ZFHX3: variants seen among roughly 807,000 people sequenced by gnomAD.
ZFHX3 encodes the protein zinc finger homeobox protein 3.
ZFHX3 carries 42 observed loss-of-function variants against 279.1 expected under a neutral mutation model. The ratio of observed to expected loss-of-function variants is 0.15; its 90% CI spans 0.12 to 0.19. The LOEUF is 0.19. Ranked by LOEUF, ZFHX3 falls within the 10% of genes least tolerant of loss-of-function variation. ZFHX3 has a pLI of 1.00. For synonymous variants in ZFHX3, 2,293 were observed against 1,957.8 expected (o/e 1.17, Z -4.52); for missense variants, 4,981 against 4,754.0 (o/e 1.05, Z -1.40).
At chr16:73,297,802 C>A (rs372845178) in intron 4 of ZFHX3, among the ~76,000 whole-genome samples, 1 of 151,854 alleles carries the variant, frequency 6.6e-6, no homozygotes, top group Non-Finnish European at 1.5e-5. Context: ...AGTGTCTGTG[C>A]GATAATAACC....
chr16:73,813,282 C>A (rs1960474867), intron 1 of ZFHX3, among the ~76,000 whole-genome samples: 1 of 151,390 alleles, frequency 6.6e-6, no homozygotes, highest in Admixed American at 6.6e-5. Context: ...GGACAAGAGA[C>A]AAAATGCACT....
intron 5 of ZFHX3, among the ~76,000 whole-genome samples, chr16:73,213,272 G>C (rs1174401953): frequency 6.6e-6 from 1 of 152,192 alleles, no homozygotes; most frequent in African/African-American, 2.4e-5. Context: ...AATGACTTGA[G>C]AAAGGTTGGG....
At chr16:73,092,744 G>A (rs1966102186) in intron 8 of ZFHX3, 2 of 349,924 alleles carry the variant, frequency 5.7e-6, no homozygotes, top group Middle Eastern at 1.1e-3. Context: ...GGCTTCATGA[G>A]GCTAAGTAAT....
intron 1 of ZFHX3, among the ~76,000 whole-genome samples, chr16:73,022,498 G>A (rs202171237): frequency 1.1e-4 from 16 of 152,224 alleles, no homozygotes; most frequent in East Asian, 9.7e-4. Flanking sequence ...CCTGGGCATC[G>A]CAGGATGTTT....
chr16:72,896,025 G>A (rs1355394128), intron 3 of ZFHX3, among the ~76,000 whole-genome samples: 1 of 152,184 alleles, frequency 6.6e-6, no homozygotes, highest in Non-Finnish European at 1.5e-5. Context: ...AAATCTTGGA[G>A]AAGTATGATG....
At chr16:73,858,378 C>T (rs1164191282) in intron 1 of ZFHX3, among the ~76,000 whole-genome samples, 1 of 152,182 alleles carries the variant, frequency 6.6e-6, no homozygotes, top group Non-Finnish European at 1.5e-5. Flanking sequence ...TTGATACAGT[C>T]TTAGATGCTC....
chr16:73,879,483 G>T (rs1232678668), intron 1 of ZFHX3, among the ~76,000 whole-genome samples: 1 of 151,970 alleles, frequency 6.6e-6, no homozygotes, highest in Non-Finnish European at 1.5e-5. Flanking sequence ...CTTTCATTCT[G>T]GTTGGTTCGC....
At chr16:73,033,438 A>G (rs1192276913) in intron 1 of ZFHX3, among the ~76,000 whole-genome samples, 1 of 152,190 alleles carries the variant, frequency 6.6e-6, no homozygotes, top group Admixed American at 6.5e-5. Context: ...ACAGAAGTGA[A>G]GCGGGGCTGC....
chr16:73,160,577 G>A (rs1433026380), intron 5 of ZFHX3, among the ~76,000 whole-genome samples: 3 of 151,880 alleles, frequency 2.0e-5, no homozygotes, highest in Non-Finnish European at 4.4e-5. Context: ...CTACATAGAG[G>A]GTTTAACCCT....
chr16:73,314,724 A>G (rs554053957), intron 4 of ZFHX3, among the ~76,000 whole-genome samples: 23 of 152,370 alleles, frequency 1.5e-4, no homozygotes, highest in Admixed American at 7.2e-4. Context: ...TCATTCTTCC[A>G]GATAGCCCTT....
chr16:73,149,385 T>A (rs1334971095), intron 5 of ZFHX3, among the ~76,000 whole-genome samples: 1 of 152,074 alleles, frequency 6.6e-6, no homozygotes, highest in Non-Finnish European at 1.5e-5. Context: ...GGGGCCTTCA[T>A]TCATGCTGTA....
At chr16:72,961,884 TAAACCAAACC>T (rs57537362) in intron 1 of ZFHX3, among the ~76,000 whole-genome samples, 84,098 of 149,692 alleles carry the variant, frequency 0.56, 23,837 homozygotes, top group Non-Finnish European at 0.6. Flanking sequence ...ATGACTACAG[TAAACCAAACC>T]AAACCAAACC....
At chr16:73,201,528 A>G (rs1336274346) in intron 5 of ZFHX3, among the ~76,000 whole-genome samples, 1 of 152,222 alleles carries the variant, frequency 6.6e-6, no homozygotes, top group Non-Finnish European at 1.5e-5. Context: ...CATGTTTCAA[A>G]CTTATTCTGA....
intron 4 of ZFHX3, among the ~76,000 whole-genome samples, chr16:73,275,577 C>G (rs772396979): frequency 6.6e-6 from 1 of 152,150 alleles, no homozygotes; most frequent in Admixed American, 6.5e-5. Context: ...TCCAGACTGC[C>G]TCAATAAAGT....
intron 3 of ZFHX3, among the ~76,000 whole-genome samples, chr16:73,435,146 T>C (rs868303166): frequency 6.6e-6 from 1 of 152,176 alleles, no homozygotes; most frequent in African/African-American, 2.4e-5. Flanking sequence ...CACACCTGCA[T>C]GATGGATTGG....
rs2035960622 is a variant in ZFHX3, at chr16:72,797,651, A to G, written c.5031T>C (p.Ser1677=). 5.0e-6 allele frequency: 8 copies of G among 1,614,164 alleles called. No individual in the cohort carries two copies. Among genetic ancestry groups the G allele is most frequent in the Non-Finnish European group, 5.9e-6 (7 of 1,180,038 alleles). ...NPSSAGIAPS[S]NLLSQVPTES... Reference sequence around the variant, plus strand: ...CAGTGGGCACTTGGCTTAGTAAGTTAGAGCTTGGAGCAATGCCAGCACTGC... The same window carrying G: ...CAGTGGGCACTTGGCTTAGTAAGTTGGAGCTTGGAGCAATGCCAGCACTGC... Residue 1677 remains serine, a synonymous_variant, in exon 9 of 10, where the codon TCT becomes TCC. Transcript: ENST00000268489.
chr16:72,811,880 C>G (rs755553707), intron 6 of ZFHX3, 25 bp downstream of exon 6: 4 of 1,612,086 alleles, frequency 2.5e-6, no homozygotes, highest in African/African-American at 2.7e-5. Flanking sequence ...CACCTCCCCA[C>G]CAGCAGAGTC....
At chr16:72,866,358 G>A (rs566730881) in intron 4 of ZFHX3, among the ~76,000 whole-genome samples, 23 of 152,274 alleles carry the variant, frequency 1.5e-4, no homozygotes, top group Admixed American at 3.3e-4. Flanking sequence ...GTGCATTTGC[G>A]TCCCCTTTTA....
chr16:73,742,952 A>T (rs1048551580), intron 1 of ZFHX3, among the ~76,000 whole-genome samples: 1 of 152,062 alleles, frequency 6.6e-6, no homozygotes, highest in Non-Finnish European at 1.5e-5. Context: ...TCATCATCAA[A>T]TTTTTTTTAA....
Sources: allele counts gnomAD v4.1 joint callset (sites outside exome capture counted in the v4.1 genomes callset), GRCh38; gene constraint gnomAD v4.1.1; transcripts MANE v1.5; gene names NCBI Gene and HGNC (gene_info 2026-07-23, HGNC 2026-07-21).